PCDHGB2: variants seen among roughly 807,000 people sequenced by gnomAD.
PCDHGB2 encodes the protein protocadherin gamma-B2.
A neutral mutation model predicts 59.3 loss-of-function variants in PCDHGB2; 55 were observed. The observed-to-expected ratio is 0.93, with a 90% CI of 0.75 to 1.16. The LOEUF (loss-of-function observed/expected upper bound fraction) is 1.16. Among genes scored for constraint, PCDHGB2 ranks in the 50% most tolerant of loss-of-function variants. The pLI is 0.00. For synonymous variants in PCDHGB2, 516 were observed against 512.0 expected, an observed-to-expected ratio of 1.01 and a Z score of -0.11; for missense variants, 1,228 against 1,198.5, an observed-to-expected ratio of 1.02 and a Z score of -0.36.
At chr5:141,419,796 T>A in intron 1 of PCDHGB2, 1 of 1,614,026 alleles carries the variant, frequency 6.2e-7, no homozygotes. Flanking sequence ...CTAGTCGCTG[T>A]AAGAGATGGA....
chr5:141,402,281 C>A (rs1589453227), intron 1 of PCDHGB2, among the ~76,000 whole-genome samples: 1 of 151,846 alleles, frequency 6.6e-6, no homozygotes, highest in African/African-American at 2.4e-5. Flanking sequence ...AGTGGATAAT[C>A]TATCCTTATA....
chr5:141,389,721 G>C (rs1477842058), intron 1 of PCDHGB2: 7 of 1,612,620 alleles, frequency 4.3e-6, no homozygotes, highest in Non-Finnish European at 5.1e-6. Context: ...TAGCGAGCCC[G>C]GGCTCTTCAG....
chr5:141,417,211 T>C (rs1027777607), intron 1 of PCDHGB2: 1 of 152,174 alleles, frequency 6.6e-6, no homozygotes, highest in Admixed American at 6.5e-5. Context: ...TAGGCTAGAA[T>C]TGAAGACAAA....
intron 1 of PCDHGB2, chr5:141,390,457 G>T: frequency 1.3e-6 from 1 of 767,062 alleles, no homozygotes; most frequent in South Asian, 1.9e-5. Flanking sequence ...GAGTAAAGTA[G>T]GAGCAATTGT....
chr5:141,398,900 G>C (rs765284630), intron 1 of PCDHGB2: 1 of 1,613,964 alleles, frequency 6.2e-7, no homozygotes, highest in South Asian at 1.1e-5. Context: ...GTGCCACCAG[G>C]CACCACTGTG....
chr5:141,375,535 C>T (rs548065153), intron 1 of PCDHGB2: 89 of 1,614,018 alleles, frequency 5.5e-5, no homozygotes, highest in Non-Finnish European at 6.9e-5. Flanking sequence ...TGGACCAGAA[C>T]GCCCAAGTCT....
Position 141,491,994 on chromosome 5 carries a change from C to T in PCDHGB2, c.2422-2813C>T. On this transcript the variant is annotated intron_variant, in intron 1 of 3. Transcript: ENST00000522605. This position sits in a 1 kb window ranked among gnomAD's most constrained non-coding sequence, Gnocchi z 6.9. ...CCTCCTTCGAGCTTCCGGTGAATTT[C>T]GGGCGATTTCCGCGGGTGTCGGGGG... The T allele has an allele frequency of 4.3e-6, 3 of 693,016 alleles. No individual in the cohort carries two copies. The allele number at this position is 693,016 out of a possible 1,614,324, so 42.9% of individuals were successfully genotyped here.
intron 1 of PCDHGB2, chr5:141,375,926 G>A: frequency 3.1e-6 from 5 of 1,613,758 alleles, no homozygotes; most frequent in African/African-American, 1.3e-5. Context: ...CAGCGAGCCA[G>A]GACTTTTCTC....
At position 141,512,045 on chromosome 5, in the gene PCDHGB2, C is replaced by T. The variant is rs568357347; in HGVS notation, c.*872C>T. On this transcript the variant is annotated 3_prime_UTR_variant, in exon 4 of 4. Transcript: ENST00000522605. ...GGCCTTGGAGGAGGCTCTGTATGTC[C>T]TCAGGGGACTGACAACATCCTCCAG... The T allele has an allele frequency of 1.5e-3, 224 of 152,846 alleles. 2 individuals are homozygous for T. The highest frequency in any genetic ancestry group is 4.6e-4 in the Non-Finnish European group (31 of 68,130). The allele number at this position is 152,846 out of a possible 1,614,324, so 9.5% of individuals were successfully genotyped here. A position where few individuals can be genotyped will look rare whatever the true frequency, so the allele number is the denominator to read the frequency against.
Position 141,487,548 on chromosome 5 carries a change from G to T in PCDHGB2, c.2422-7259G>T. The T allele has an allele frequency of 6.2e-7, 1 of 1,614,190 alleles. No homozygotes were observed. Among genetic ancestry groups the T allele is most frequent in the Non-Finnish European group, 8.5e-7 (1 of 1,180,038 alleles). ...AGCTTCATGATGGTGAAGTCACCCA[G>T]TGCACCTATGGCAGGGGAGCCTGTT... is the stretch of plus-strand genomic sequence containing the variant. On this transcript the variant is annotated intron_variant, in intron 1 of 3. Coordinates refer to ENST00000522605, the MANE Select transcript of PCDHGB2 (RefSeq NM_018923.3). The surrounding 1 kb of genome is among the most constrained non-coding windows in gnomAD (Gnocchi z 5.0).
intron 1 of PCDHGB2, chr5:141,410,151 G>A: frequency 6.2e-7 from 1 of 1,613,018 alleles, no homozygotes; most frequent in Non-Finnish European, 8.5e-7. Flanking sequence ...CGTGACGGTG[G>A]ACAGCCGCCA....
chr5:141,409,753 G>T, intron 1 of PCDHGB2: 1 of 1,613,006 alleles, frequency 6.2e-7, no homozygotes. Context: ...TGTTCGCGCA[G>T]CGCGCCTTTG....
At chr5:141,375,313 A>C in intron 1 of PCDHGB2, 1 of 1,613,824 alleles carries the variant, frequency 6.2e-7, no homozygotes, top group Non-Finnish European at 8.5e-7. Context: ...ATGCAGCTCT[A>C]GACCGGGAAG....
intron 1 of PCDHGB2, chr5:141,408,201 C>A: frequency 6.5e-7 from 1 of 1,549,032 alleles, no homozygotes; most frequent in Non-Finnish European, 8.7e-7. Context: ...CCCGAGCGAA[C>A]GATGGGAGGG....
At position 141,408,935 on chromosome 5, in the gene PCDHGB2, G is replaced by A. The variant is rs773802276; in HGVS notation, c.2421+46379G>A. 6.8e-6 allele frequency: 11 copies of A among 1,613,590 alleles called. No homozygotes were observed. Among genetic ancestry groups the A allele is most frequent in the Non-Finnish European group, 9.3e-6 (11 of 1,179,752 alleles). ...TGATAACCCCCCGGTTTTCAGCAGAGACGAATATAGAATTAGTCTTAGTGA... is the reference window on the plus strand; with the variant it reads ...TGATAACCCCCCGGTTTTCAGCAGAAACGAATATAGAATTAGTCTTAGTGA... On this transcript the variant is annotated intron_variant, in intron 1 of 3. Coordinates refer to ENST00000522605, the MANE Select transcript of PCDHGB2 (RefSeq NM_018923.3).
intron 1 of PCDHGB2, among the ~76,000 whole-genome samples, chr5:141,438,587 CATACATATATATATATATATATATATAT>C (rs1267620600): frequency 1.4e-5 from 1 of 73,428 alleles, no homozygotes; most frequent in Non-Finnish European, 2.6e-5. Context: ...TACATACATA[CATACATATATATATATATATATATATAT>C]ATATATATAT....
intron 3 of PCDHGB2, among the ~76,000 whole-genome samples, chr5:141,509,089 G>C (rs1366018197): frequency 6.6e-6 from 1 of 152,158 alleles, no homozygotes; most frequent in Non-Finnish European, 1.5e-5. Context: ...ACATGAAATG[G>C]GGGCTGTAGA....
intron 1 of PCDHGB2, among the ~76,000 whole-genome samples, chr5:141,473,350 G>A (rs28461214): frequency 0.13 from 19,833 of 152,204 alleles, 1,410 homozygotes; most frequent in African/African-American, 0.17. Context: ...CAGTGAGGAT[G>A]CAAGTGGCCA....
Position 141,415,576 on chromosome 5 carries a change from T to C in PCDHGB2, c.2421+53020T>C, listed in dbSNP as rs182127695. 9.5e-5 allele frequency: 153 copies of C among 1,614,182 alleles called. No individual in the cohort carries two copies. The Admixed American group carries it at 1.6e-3, about 17-fold the overall frequency. Reference sequence around the variant, plus strand: ...CGATCCTTTGTCTTTGTTAGATGATTCGAAGTTTCCTATAGAGGATACCCC... The same window carrying C: ...CGATCCTTTGTCTTTGTTAGATGATCCGAAGTTTCCTATAGAGGATACCCC... On this transcript the variant is annotated intron_variant, in intron 1 of 3. Transcript: ENST00000522605.
Sources: allele counts gnomAD v4.1 joint callset (sites outside exome capture counted in the v4.1 genomes callset), GRCh38; gene constraint gnomAD v4.1.1; non-coding constraint Gnocchi (gnomAD v3.1); transcripts MANE v1.5; gene names NCBI Gene and HGNC (gene_info 2026-07-23, HGNC 2026-07-21).